The following L3MBTL2 variants were observed in gnomAD, a reference collection of about 807,000 sequenced individuals.
L3MBTL2 encodes lethal(3)malignant brain tumor-like protein 2.
Under a neutral mutation model 86.4 loss-of-function variants are expected in L3MBTL2, and 49 were observed. The ratio of observed to expected loss-of-function variants is 0.57; its 90% CI spans 0.45 to 0.72. The LOEUF (loss-of-function observed/expected upper bound fraction) is 0.72. Ranked by LOEUF, L3MBTL2 falls within the 30% of genes least tolerant of loss-of-function variation. L3MBTL2 has a pLI of 0.00. For synonymous variants in L3MBTL2, 336 were observed against 350.6 expected (o/e 0.96, Z 0.47); for missense variants, 755 against 923.7 (o/e 0.82, Z 2.37).
chr22:41,221,472 C>A, intron 8 of L3MBTL2, 185 bp downstream of exon 8: 1 of 603,180 alleles, frequency 1.7e-6, no homozygotes, highest in East Asian at 2.8e-5. Flanking sequence ...TCTAGCCTGG[C>A]GTCGGCCACT....
chr22:41,229,712 G>A (rs934502137), intron 16 of L3MBTL2, 56 bp downstream of exon 16: 9 of 1,612,358 alleles, frequency 5.6e-6, no homozygotes, highest in Non-Finnish European at 7.6e-6. Context: ...GCTCAGAGAC[G>A]ACCCTTCTCC....
chr22:41,212,538 T>C (rs1269174616), intron 2 of L3MBTL2, among the ~76,000 whole-genome samples: 3 of 151,174 alleles, frequency 2.0e-5, no homozygotes, highest in South Asian at 4.2e-4. Flanking sequence ...GCTGGGATTA[T>C]AGACGCCCAC....
At chr22:41,226,619 G>A (rs1217628747) in intron 12 of L3MBTL2, 43 bp from the exon 13 acceptor site, 1 of 1,411,164 alleles carries the variant, frequency 7.1e-7, no homozygotes, top group Non-Finnish European at 1.0e-6. Flanking sequence ...CCCACTTCCT[G>A]CTTCCCCCTC....
intron 3 of L3MBTL2, 169 bp downstream of exon 3, chr22:41,214,195 T>A (rs1447959888): frequency 3.1e-6 from 2 of 638,498 alleles, no homozygotes; most frequent in Non-Finnish European, 5.3e-6. Context: ...TTTGTGGAGC[T>A]TTTTAAATTA....
At chr22:41,214,132 G>A in intron 3 of L3MBTL2, 106 bp downstream of exon 3, 2 of 1,115,342 alleles carry the variant, frequency 1.8e-6, no homozygotes, top group Non-Finnish European at 1.3e-6. Context: ...GTCCTTGCTT[G>A]TGGCCAGCTG....
chr22:41,213,352 TCTTA>T (rs1011844334), intron 2 of L3MBTL2, among the ~76,000 whole-genome samples: 2 of 151,996 alleles, frequency 1.3e-5, no homozygotes, highest in African/African-American at 4.8e-5. Context: ...TGAGACAGTG[TCTTA>T]CTTTGTTGCC....
Position 41,229,618 on chromosome 22 carries a change from G to GT in L3MBTL2, c.1968dup (p.Ala657CysfsTer121), listed in dbSNP as rs1433714573. The GT allele has an allele frequency of 6.2e-7, 1 of 1,613,922 alleles. No individual in the cohort carries two copies. Among genetic ancestry groups the GT allele is most frequent in the African/African-American group, 1.3e-5 (1 of 75,054 alleles). On this transcript the variant is annotated frameshift_variant, in exon 16 of 17. Transcript: ENST00000216237. LOFTEE classifies it low-confidence loss of function (END_TRUNC). ...CCCCTGCTGGAGGACGACCCTCAGG[G>GT]TGCCAGGAAGATCTCGTCGGAGCCT... is the stretch of plus-strand genomic sequence containing the variant.
At chr22:41,223,890 TCTGCCACCTCCCGACTGACTG>T in intron 8 of L3MBTL2, 109 bp from the exon 9 acceptor site, 1 of 716,756 alleles carries the variant, frequency 1.4e-6, no homozygotes, top group Non-Finnish European at 2.4e-6. Context: ...GGCAGTCTCA[TCTGCCACCTCCCGACTGACTG>T]AGTGTGGGGG....
intron 5 of L3MBTL2, chr22:41,218,012 T>G (rs2031528600): frequency 6.6e-6 from 1 of 152,204 alleles, no homozygotes; most frequent in South Asian, 2.1e-4. Flanking sequence ...TTGCCCTGAA[T>G]TCTCTAATAG....
chr22:41,230,726 T>G lies in L3MBTL2; in HGVS notation c.*475T>G, dbSNP rs2145625594. 1 of 155,338 alleles carries G rather than the reference T, an allele frequency of 6.4e-6. No homozygotes were observed. Among genetic ancestry groups the G allele is most frequent in the South Asian group, 2.0e-4 (1 of 4,976 alleles). The allele number at this position is 155,338 out of a possible 1,614,324, so 9.6% of individuals were successfully genotyped here. On this transcript the variant is annotated 3_prime_UTR_variant, in exon 17 of 17. Transcript: ENST00000216237. ...GGTCCCCTGACAGTGAGTTGTGTGG[T>G]GGGGGCAGCCTCTGCCTCAAAAATT... is the stretch of plus-strand genomic sequence containing the variant.
intron 1 of L3MBTL2, among the ~76,000 whole-genome samples, chr22:41,207,024 T>G (rs2030277550): frequency 6.6e-6 from 1 of 152,090 alleles, no homozygotes; most frequent in Admixed American, 6.6e-5. Flanking sequence ...TAAAGAAAGC[T>G]TATTACCTCT....
Position 41,217,236 on chromosome 22 carries a change from G to A in L3MBTL2, c.600+34G>A, listed in dbSNP as rs148922357. The A allele has an allele frequency of 2.5e-5, 39 of 1,562,984 alleles. No individual in the cohort carries two copies. The Admixed American group carries it at 2.5e-4, about 10-fold the overall frequency. Reference sequence around the variant, plus strand: ...CCTGGAGCTGAGGGAGGGAGGCCGGGGAGCCGGGCCTGGAGCTGCTCCTCC... The same window carrying A: ...CCTGGAGCTGAGGGAGGGAGGCCGGAGAGCCGGGCCTGGAGCTGCTCCTCC... On this transcript the variant is annotated intron_variant, in intron 5 of 16. Coordinates refer to ENST00000216237, the MANE Select transcript of L3MBTL2 (RefSeq NM_031488.5).
intron 6 of L3MBTL2, 76 bp downstream of exon 6, chr22:41,219,612 G>C (rs1181459486): frequency 1.3e-5 from 12 of 939,292 alleles, no homozygotes; most frequent in South Asian, 5.5e-5. Flanking sequence ...AGTGTTGTAG[G>C]CAGGAGTTGG....
chr22:41,217,287 G>T (rs2031464080), intron 5 of L3MBTL2, 85 bp downstream of exon 5: 2 of 1,018,406 alleles, frequency 2.0e-6, no homozygotes, highest in Non-Finnish European at 3.1e-6. Context: ...GCGGCTTCAG[G>T]CTGGACAGTG....
chr22:41,217,204 TGAGTGCCCTG>T lies in L3MBTL2; in HGVS notation c.600+6_600+15del. Reference sequence around the variant, plus strand: ...GCTCCCGTCAGCTGTTTCAAGCACGTGAGTGCCCTGGAGCTGAGGGAGGGAGGCCGGGGAG... The same window carrying T: ...GCTCCCGTCAGCTGTTTCAAGCACGTGAGCTGAGGGAGGGAGGCCGGGGAG... On this transcript the variant is annotated splice_donor_5th_base_variant and intron_variant, in intron 5 of 16. Transcript: ENST00000216237. The T allele has an allele frequency of 6.2e-7, 1 of 1,611,160 alleles. No individual in the cohort carries two copies. Among genetic ancestry groups the T allele is most frequent in the Non-Finnish European group, 8.5e-7 (1 of 1,178,494 alleles).
At chr22:41,210,707 A>ACC (rs1220994194) in intron 2 of L3MBTL2, among the ~76,000 whole-genome samples, 1 of 152,062 alleles carries the variant, frequency 6.6e-6, no homozygotes, top group Admixed American at 6.6e-5. Context: ...CAGGTGATCC[A>ACC]CCCACCTCAG....
At chr22:41,213,472 T>TC (rs1384246701) in intron 2 of L3MBTL2, among the ~76,000 whole-genome samples, 6 of 151,220 alleles carry the variant, frequency 4.0e-5, no homozygotes, top group Non-Finnish European at 7.4e-5. Context: ...TTTTTTTTTT[T>TC]TGGGCAACAA....
rs961208743 is a variant in L3MBTL2 at position 41,205,375 on chromosome 22, C to A, written c.13C>A (p.Arg5=). The A allele has an allele frequency of 3.7e-6, 6 of 1,614,132 alleles. No individual in the cohort carries two copies. Among genetic ancestry groups the A allele is most frequent in the African/African-American group, 1.3e-5 (1 of 75,036 alleles). Residue 5 remains arginine (R), a synonymous_variant, in exon 1 of 17, where the codon CGG becomes AGG. Coordinates refer to ENST00000216237, the MANE Select transcript of L3MBTL2 (RefSeq NM_031488.5). MEKP[R]SIEETPSSEP... ...AAACTGAGGTCTCATGGAGAAGCCC[C>A]GGAGTATTGAGGTGAGAAGGCGAGG...
chr22:41,223,903 G>T, intron 8 of L3MBTL2, 117 bp from the exon 9 acceptor site: 2 of 798,762 alleles, frequency 2.5e-6, no homozygotes, highest in Middle Eastern at 2.6e-4. Context: ...GCCACCTCCC[G>T]ACTGACTGAG....
Sources: allele counts gnomAD v4.1 joint callset (sites outside exome capture counted in the v4.1 genomes callset), GRCh38; gene constraint gnomAD v4.1.1; transcripts MANE v1.5; gene names NCBI Gene and HGNC (gene_info 2026-07-23, HGNC 2026-07-21).